The following TYW3 variants were observed in gnomAD, a reference collection of about 807,000 sequenced individuals.
TYW3 encodes tRNA wybutosine-synthesizing protein 3 homolog.
TYW3 carries 26 observed loss-of-function variants against 23.1 expected under a neutral mutation model. The ratio of observed to expected loss-of-function variants is 1.13; its 90% confidence interval spans 0.83 to 1.56. The LOEUF is 1.56. Among genes scored for constraint, TYW3 ranks in the 40% most tolerant of loss-of-function variants. The pLI is 0.00. For missense variants in TYW3, 316 were observed against 311.9 expected (o/e 1.01, Z -0.10); for synonymous variants, 102 against 105.7 (o/e 0.97, Z 0.21).
intron 5 of TYW3, among the ~76,000 whole-genome samples, chr1:74,761,063 CT>C (rs5775263): frequency 0.36 from 53,037 of 146,514 alleles, 11,185 homozygotes; most frequent in Non-Finnish European, 0.49. Context: ...CCTGAACATA[CT>C]TTTTTTTTTT....
intron 3 of TYW3, among the ~76,000 whole-genome samples, chr1:74,744,054 CGTT>C (rs1648460754): frequency 6.6e-6 from 1 of 151,964 alleles, no homozygotes; most frequent in Non-Finnish European, 1.5e-5. Context: ...ATAGCCCAGG[CGTT>C]TTTGTGGTCC....
At chr1:74,752,893 A>G (rs1276206732) in intron 5 of TYW3, among the ~76,000 whole-genome samples, 7 of 151,636 alleles carry the variant, frequency 4.6e-5, no homozygotes, top group African/African-American at 1.2e-4. Flanking sequence ...GGCTAGTTTA[A>G]TACCAAACTC....
chr1:74,751,664 C>G (rs1339628402), intron 4 of TYW3, among the ~76,000 whole-genome samples: 1 of 150,372 alleles, frequency 6.7e-6, no homozygotes, highest in Non-Finnish European at 1.5e-5. Flanking sequence ...GAGTGAAACT[C>G]TGTCTGAAAA....
chr1:74,748,956 G>T (rs1648685045), intron 4 of TYW3, 134 bp downstream of exon 4: 1 of 790,878 alleles, frequency 1.3e-6, no homozygotes, highest in Non-Finnish European at 2.0e-6. Context: ...AACCCTCAGT[G>T]ACTTACTCCT....
chr1:74,763,027 CT>C (rs1649179213), intron 5 of TYW3, among the ~76,000 whole-genome samples: 1 of 152,142 alleles, frequency 6.6e-6, no homozygotes, highest in South Asian at 2.1e-4. Context: ...TTGTATTTTA[CT>C]TACAAAGAAA....
chr1:74,749,147 A>AT (rs1459953450), intron 4 of TYW3, among the ~76,000 whole-genome samples: 1 of 152,202 alleles, frequency 6.6e-6, no homozygotes, highest in Admixed American at 6.5e-5. Context: ...CCCTTTACTG[A>AT]TACCTGCTGG....
chr1:74,758,861 G>A (rs1209354085), intron 5 of TYW3, among the ~76,000 whole-genome samples: 1 of 152,064 alleles, frequency 6.6e-6, no homozygotes, highest in Non-Finnish European at 1.5e-5. Flanking sequence ...AAACACACTT[G>A]AGATATCTTA....
At chr1:74,748,633 A>T (rs567143989) in intron 3 of TYW3, 118 bp from the exon 4 acceptor site, 65 of 1,017,536 alleles carry the variant, frequency 6.4e-5, no homozygotes, top group East Asian at 2.1e-4. Context: ...TAGACGAAAA[A>T]TTTTTTTAAA....
chr1:74,733,641 C>CT, intron 1 of TYW3: 1 of 841,364 alleles, frequency 1.2e-6, no homozygotes, highest in Non-Finnish European at 1.4e-6. Context: ...GATCCCGATT[C>CT]TTTAAGTGTA....
At chr1:74,743,729 T>A (rs1036176008) in intron 3 of TYW3, among the ~76,000 whole-genome samples, 2 of 152,164 alleles carry the variant, frequency 1.3e-5, no homozygotes, top group Non-Finnish European at 2.9e-5. Flanking sequence ...TGGTGGGGAA[T>A]TTGTCCCTTT....
intron 4 of TYW3, chr1:74,749,999 C>T (rs887617979): frequency 2.0e-5 from 3 of 152,110 alleles, no homozygotes; most frequent in African/African-American, 7.2e-5. Flanking sequence ...TGGTTTATGT[C>T]CCCATCTCAC....
At chr1:74,759,670 G>A (rs1201870993) in intron 5 of TYW3, among the ~76,000 whole-genome samples, 1 of 152,142 alleles carries the variant, frequency 6.6e-6, no homozygotes, top group African/African-American at 2.4e-5. Context: ...TTTTGAGACA[G>A]GATCTCACTG....
At chr1:74,737,093 A>C (rs962910968) in intron 2 of TYW3, among the ~76,000 whole-genome samples, 1 of 152,222 alleles carries the variant, frequency 6.6e-6, no homozygotes, top group Non-Finnish European at 1.5e-5. Flanking sequence ...TGAATTCATA[A>C]GTTTTTATCA....
chr1:74,748,163 A>G (rs1040381932), intron 3 of TYW3, among the ~76,000 whole-genome samples: 6 of 148,594 alleles, frequency 4.0e-5, no homozygotes, highest in Non-Finnish European at 6.0e-5. Flanking sequence ...ATGGCTTCAG[A>G]TATTGCCAGA....
intron 3 of TYW3, among the ~76,000 whole-genome samples, chr1:74,745,969 TC>T (rs1473520330): frequency 6.6e-6 from 1 of 152,200 alleles, no homozygotes; most frequent in Non-Finnish European, 1.5e-5. Flanking sequence ...CAGGGCTCCA[TC>T]CTTATGATTT....
chr1:74,744,618 G>A (rs1648491293), intron 3 of TYW3, among the ~76,000 whole-genome samples: 1 of 152,132 alleles, frequency 6.6e-6, no homozygotes, highest in South Asian at 2.1e-4. Context: ...GCCAAAATGT[G>A]TCCCATCTGG....
intron 5 of TYW3, among the ~76,000 whole-genome samples, chr1:74,763,607 A>T (rs1649200501): frequency 1.3e-5 from 2 of 152,100 alleles, no homozygotes; most frequent in Admixed American, 6.6e-5. Context: ...CATTTATGTA[A>T]TAATAATTGC....
intron 4 of TYW3, among the ~76,000 whole-genome samples, chr1:74,749,096 CTA>C (rs2100767014): frequency 6.6e-6 from 1 of 152,324 alleles, no homozygotes; most frequent in Non-Finnish European, 1.5e-5. Flanking sequence ...CCCCAAAGCA[CTA>C]TGACATCATG....
chr1:74,740,212 T>C lies in TYW3; in HGVS notation c.354+1424T>C, dbSNP rs149045728. Reference sequence around the variant, plus strand: ...CCAGTGGGTTCGTGGTCTTGCTGACTTCAGGAGTGAAGCTGCAGACCTTCG... The same window carrying C: ...CCAGTGGGTTCGTGGTCTTGCTGACCTCAGGAGTGAAGCTGCAGACCTTCG... On this transcript the variant is annotated intron_variant, in intron 3 of 5. Transcript: ENST00000370867. Among the ~76,000 whole-genome samples the C allele has an allele frequency of 3.1e-3, 471 of 152,318 alleles. 1 individual carries two copies. Among genetic ancestry groups the C allele is most frequent in the African/African-American group, 0.01 (428 of 41,570 alleles).
Sources: gnomAD v4.1 joint callset for allele counts (sites outside exome capture counted in the v4.1 genomes callset) on GRCh38, gnomAD v4.1.1 for gene constraint, MANE v1.5 for transcripts, NCBI Gene and HGNC (gene_info 2026-07-23, HGNC 2026-07-21) for gene names.